The following GLDC variants were observed in gnomAD, a reference collection of about 807,000 sequenced individuals.
GLDC encodes glycine dehydrogenase (decarboxylating), mitochondrial.
Under a neutral mutation model 121.3 loss-of-function variants are expected in GLDC, and 104 were observed. That is an observed-to-expected ratio of 0.86 (90% CI 0.73 to 1.01). The LOEUF is 1.01. Among genes scored for constraint, GLDC ranks in the 50% least tolerant of loss-of-function variants. The pLI is 0.00. For synonymous variants in GLDC, 546 were observed against 480.6 expected (o/e 1.14, Z -1.78); for missense variants, 1,429 against 1,306.6 (o/e 1.09, Z -1.44).
chr9:6,573,159 C>T lies in GLDC; in HGVS notation c.1851-7730G>A, dbSNP rs1160625321. Among the ~76,000 whole-genome samples the T allele has an allele frequency of 2.6e-5, 4 of 152,236 alleles. No homozygotes were observed. In the East Asian group the frequency reaches 7.7e-4, roughly 29 times the overall value. ...GCATGGTGGCTCACGCCTGTAATCCCAGCTACTAGGGAGGCTGAGACACAA... is the reference window on the plus strand; with the variant it reads ...GCATGGTGGCTCACGCCTGTAATCCTAGCTACTAGGGAGGCTGAGACACAA... On this transcript the variant is annotated intron_variant, in intron 15 of 24. Coordinates refer to ENST00000321612, the MANE Select transcript of GLDC (RefSeq NM_000170.3).
intron 2 of GLDC, among the ~76,000 whole-genome samples, chr9:6,627,295 C>CAAAAAAAAAAA (rs35067265): frequency 1.3e-5 from 1 of 77,820 alleles, no homozygotes; most frequent in Non-Finnish European, 2.7e-5. Context: ...GACTCCATCT[C>CAAAAAAAAAAA]AAAAAAAAAA....
At chr9:6,611,210 T>A (rs1465231748) in intron 3 of GLDC, among the ~76,000 whole-genome samples, 2 of 152,190 alleles carry the variant, frequency 1.3e-5, no homozygotes, top group Non-Finnish European at 2.9e-5. Context: ...TCTAACTTTA[T>A]CTCCTTCAAT....
At chr9:6,605,539 A>G (rs921388599) in intron 5 of GLDC, among the ~76,000 whole-genome samples, 1 of 152,124 alleles carries the variant, frequency 6.6e-6, no homozygotes, top group Admixed American at 6.6e-5. Context: ...TACTCCTCAG[A>G]GAGGCCCAAG....
intron 16 of GLDC, among the ~76,000 whole-genome samples, chr9:6,564,228 A>G (rs1166806448): frequency 6.6e-6 from 1 of 151,654 alleles, no homozygotes; most frequent in Non-Finnish European, 1.5e-5. Context: ...AGCCTGGGGA[A>G]CAGGGCGAGA....
intron 15 of GLDC, chr9:6,569,483 C>G (rs889497678): frequency 1.3e-5 from 2 of 152,036 alleles, no homozygotes; most frequent in African/African-American, 4.8e-5. Context: ...GAAACCCCAT[C>G]TCTACTAAAA....
intron 3 of GLDC, among the ~76,000 whole-genome samples, chr9:6,612,796 A>G (rs1225559511): frequency 6.6e-6 from 1 of 152,140 alleles, no homozygotes; most frequent in African/African-American, 2.4e-5. Flanking sequence ...CAGAAGGCGG[A>G]GGTTGCAGTG....
At chr9:6,622,314 G>A (rs1171940084) in intron 2 of GLDC, among the ~76,000 whole-genome samples, 1 of 150,600 alleles carries the variant, frequency 6.6e-6, no homozygotes, top group Non-Finnish European at 1.5e-5. Context: ...CTGTGCTGCT[G>A]CCATCTTGGC....
intron 21 of GLDC, among the ~76,000 whole-genome samples, chr9:6,546,371 T>TC (rs2129688944): frequency 6.6e-6 from 1 of 151,364 alleles, no homozygotes; most frequent in East Asian, 2.0e-4. Context: ...TTTTCTTTTT[T>TC]TTTTTTTTTG....
chr9:6,538,664 C>A (rs1817188956), intron 22 of GLDC, among the ~76,000 whole-genome samples: 1 of 152,198 alleles, frequency 6.6e-6, no homozygotes, highest in Non-Finnish European at 1.5e-5. Flanking sequence ...CAGGAGACAA[C>A]ATGATTCAGA....
chr9:6,606,023 A>G (rs1183852439), intron 5 of GLDC: 1 of 157,982 alleles, frequency 6.3e-6, no homozygotes, highest in Non-Finnish European at 1.4e-5. Context: ...AGAAAACAAA[A>G]CGGGCCGGGC....
intron 2 of GLDC, among the ~76,000 whole-genome samples, chr9:6,644,375 C>T (rs1366928972): frequency 6.6e-6 from 1 of 151,820 alleles, no homozygotes; most frequent in African/African-American, 2.4e-5. Flanking sequence ...CTCGCGGGGG[C>T]CCTAGGATAA....
chr9:6,551,378 A>G (rs1437927640), intron 20 of GLDC, among the ~76,000 whole-genome samples: 1 of 152,196 alleles, frequency 6.6e-6, no homozygotes, highest in Non-Finnish European at 1.5e-5. Flanking sequence ...GCTTATGTTT[A>G]AAAACTGCTC....
chr9:6,624,838 A>G (rs1819197953), intron 2 of GLDC, among the ~76,000 whole-genome samples: 1 of 152,020 alleles, frequency 6.6e-6, no homozygotes, highest in Non-Finnish European at 1.5e-5. Context: ...AAACACAAAA[A>G]TTAGCTGGGC....
At chr9:6,559,798 G>C (rs954281338) in intron 16 of GLDC, among the ~76,000 whole-genome samples, 4 of 151,668 alleles carry the variant, frequency 2.6e-5, no homozygotes, top group Admixed American at 2.0e-4. Flanking sequence ...CTGGGCAACA[G>C]AGCAAGACTC....
At chr9:6,593,517 G>A (rs1239832958) in intron 9 of GLDC, among the ~76,000 whole-genome samples, 1 of 151,680 alleles carries the variant, frequency 6.6e-6, no homozygotes, top group Non-Finnish European at 1.5e-5. Flanking sequence ...GCCCAGGCTG[G>A]CCTTGAACTC....
chr9:6,613,424 G>A (rs1389818366), intron 3 of GLDC, among the ~76,000 whole-genome samples: 1 of 151,970 alleles, frequency 6.6e-6, no homozygotes, highest in East Asian at 1.9e-4. Flanking sequence ...CCAGGAGTTC[G>A]AGACCAGCCT....
At chr9:6,639,368 T>C (rs956209410) in intron 2 of GLDC, 9 of 926,704 alleles carry the variant, frequency 9.7e-6, no homozygotes, top group Non-Finnish European at 1.6e-5. Context: ...CACTATGCTA[T>C]CATCAAGTTT....
At chr9:6,554,884 A>G in intron 18 of GLDC, 103 bp from the exon 19 acceptor site, 1 of 814,604 alleles carries the variant, frequency 1.2e-6, no homozygotes, top group Non-Finnish European at 2.1e-6. Context: ...CTCAGAGGAA[A>G]AGCAGGCAGA....
intron 15 of GLDC, among the ~76,000 whole-genome samples, chr9:6,579,631 C>T (rs1443627614): frequency 1.3e-5 from 2 of 152,156 alleles, no homozygotes; most frequent in Non-Finnish European, 2.9e-5. Flanking sequence ...AGTGCTGGGA[C>T]TGTGAGCCAC....
Sources: allele counts gnomAD v4.1 joint callset (sites outside exome capture counted in the v4.1 genomes callset), GRCh38; gene constraint gnomAD v4.1.1; transcripts MANE v1.5; gene names NCBI Gene and HGNC (gene_info 2026-07-23, HGNC 2026-07-21).